Variants in ACO1 observed in about 807,000 individuals in gnomAD.
ACO1 encodes aconitase 1, also known as cytoplasmic aconitate hydratase.
ACO1 carries 78 observed loss-of-function variants against 105.1 expected under a neutral mutation model. That is an observed-to-expected ratio of 0.74 (90% CI 0.62 to 0.90). The LOEUF (loss-of-function observed/expected upper bound fraction) is 0.90. ACO1 is among the 40% of genes least tolerant of loss of function. The probability of loss-of-function intolerance (pLI) is 0.00; values close to 1 mark genes in which losing one functional copy is unlikely to be tolerated. For missense variants in ACO1, 965 were observed against 1,111.1 expected (o/e 0.87, Z 1.87); for synonymous variants, 364 against 397.4 (o/e 0.92, Z 1.00).
At chr9:32,427,213 C>T in intron 11 of ACO1, 88 bp from the exon 12 acceptor site, 1 of 1,517,104 alleles carries the variant, frequency 6.6e-7, no homozygotes. Context: ...GAAATGCAGA[C>T]TGAAGAAAAT....
intron 4 of ACO1, among the ~76,000 whole-genome samples, chr9:32,410,427 G>A (rs1254268944): frequency 6.6e-6 from 1 of 152,086 alleles, no homozygotes; most frequent in African/African-American, 2.4e-5. Flanking sequence ...GGGTGTGGTG[G>A]TGGGCACCTG....
intron 4 of ACO1, among the ~76,000 whole-genome samples, chr9:32,413,085 T>C (rs934335161): frequency 1.3e-5 from 2 of 152,108 alleles, no homozygotes; most frequent in Admixed American, 6.6e-5. Flanking sequence ...TATAGACCTT[T>C]TTCATTTACA....
chr9:32,406,486 GGT>G (rs1821613981), intron 2 of ACO1, among the ~76,000 whole-genome samples: 1 of 152,208 alleles, frequency 6.6e-6, no homozygotes, highest in Non-Finnish European at 1.5e-5. Context: ...AGCTGGGTGT[GGT>G]GATGCTTACC....
chr9:32,403,319 T>C (rs1001884099), intron 1 of ACO1, among the ~76,000 whole-genome samples: 1 of 152,238 alleles, frequency 6.6e-6, no homozygotes, highest in Admixed American at 6.5e-5. Context: ...GTAAAGCACT[T>C]GGCATGTGCT....
intron 12 of ACO1, among the ~76,000 whole-genome samples, chr9:32,428,988 G>C (rs1822165409): frequency 6.6e-6 from 1 of 152,208 alleles, no homozygotes; most frequent in South Asian, 2.1e-4. Flanking sequence ...TTGGGTATAT[G>C]TGGTCTATCA....
chr9:32,400,961 T>TC (rs1821482355), intron 1 of ACO1, among the ~76,000 whole-genome samples: 1 of 142,422 alleles, frequency 7.0e-6, no homozygotes, highest in Non-Finnish European at 1.5e-5. Flanking sequence ...TTTTTTTTTT[T>TC]CACTTAAATC....
At position 32,435,046 on chromosome 9, in the gene ACO1, T is replaced by C. The variant is rs112371848; in HGVS notation, c.2099+345T>C. ...GGGCAGAGGCAGAACCTGACACGCA[T>C]TGCCAGGTCCTGGTTGAGAAACCTA... On this transcript the variant is annotated intron_variant, in intron 17 of 20. Coordinates refer to ENST00000309951, the MANE Select transcript of ACO1 (RefSeq NM_002197.3). Among the ~76,000 whole-genome samples, 978 of 152,276 alleles carry C rather than the reference T, an allele frequency of 6.4e-3. 16 individuals carry two copies. Among genetic ancestry groups the C allele is most frequent in the African/African-American group, 0.022 (919 of 41,544 alleles).
intron 1 of ACO1, among the ~76,000 whole-genome samples, chr9:32,399,972 T>TTTTTTTTTTTTTTTTTTTCTTTTTTTTG (rs1821458138): frequency 8.0e-6 from 1 of 125,082 alleles, no homozygotes; most frequent in Non-Finnish European, 1.6e-5. Flanking sequence ...TTCTGTTTTT[T>TTTTTTTTTTTTTTTTTTTCTTTTTTTTG]TTTTTTTTTT....
intron 1 of ACO1, among the ~76,000 whole-genome samples, chr9:32,392,162 G>GT (rs1192979161): frequency 6.6e-6 from 1 of 152,086 alleles, no homozygotes; most frequent in Non-Finnish European, 1.5e-5. Flanking sequence ...AATGCATTTG[G>GT]TTTTTTGGAT....
intron 2 of ACO1, among the ~76,000 whole-genome samples, chr9:32,406,806 CAG>C (rs911187793): frequency 2.2e-4 from 34 of 152,264 alleles, no homozygotes; most frequent in South Asian, 4.1e-4. Flanking sequence ...TTTTTTGAAA[CAG>C]AGTCTTGCTC....
At chr9:32,387,369 A>G (rs1821176486) in intron 1 of ACO1, among the ~76,000 whole-genome samples, 1 of 152,230 alleles carries the variant, frequency 6.6e-6, no homozygotes, top group African/African-American at 2.4e-5. Context: ...CAGTGGCAAC[A>G]CATTTTTTAG....
intron 1 of ACO1, among the ~76,000 whole-genome samples, chr9:32,397,109 A>G (rs913485313): frequency 1.3e-5 from 2 of 152,196 alleles, no homozygotes; most frequent in African/African-American, 2.4e-5. Flanking sequence ...GAGATGGGAA[A>G]GCTTTCTGAT....
rs1039936793 is a variant in ACO1 at position 32,452,796 on chromosome 9, A to T, written c.*2685A>T. 4 of 147,356 alleles carry T rather than the reference A, an allele frequency of 2.7e-5. No homozygotes were observed. The highest frequency in any genetic ancestry group is 1.0e-4 in the African/African-American group (4 of 39,924). The allele number at this position is 147,356 out of a possible 1,614,324, so 9.1% of individuals were successfully genotyped here. Reference sequence around the variant, plus strand: ...CTGGGCAACACTCTACAAAAAAAAAAATAAATAAATAAATAAATAAAATAA... The same window carrying T: ...CTGGGCAACACTCTACAAAAAAAAATATAAATAAATAAATAAATAAAATAA... On this transcript the variant is annotated 3_prime_UTR_variant, in exon 21 of 21. Transcript: ENST00000309951.
intron 1 of ACO1, among the ~76,000 whole-genome samples, chr9:32,399,966 G>GTTTTTTTTTTTTTTTTTTTTTT (rs57615512): frequency 2.9e-5 from 2 of 69,842 alleles, no homozygotes; most frequent in Non-Finnish European, 5.0e-5. Flanking sequence ...TTCTTTTTCT[G>GTTTTTTTTTTTTTTTTTTTTTT]TTTTTTTTTT....
chr9:32,402,006 A>C (rs1223182770), intron 1 of ACO1, among the ~76,000 whole-genome samples: 1 of 152,240 alleles, frequency 6.6e-6, no homozygotes, highest in Non-Finnish European at 1.5e-5. Context: ...GAAGGGTTTC[A>C]GATACAGTAG....
chr9:32,395,295 G>A (rs1821350196), intron 1 of ACO1, among the ~76,000 whole-genome samples: 2 of 152,128 alleles, frequency 1.3e-5, no homozygotes, highest in South Asian at 4.2e-4. Flanking sequence ...GGCCAACATG[G>A]GGAAACCCCG....
intron 8 of ACO1, among the ~76,000 whole-genome samples, chr9:32,422,012 A>G (rs1371876318): frequency 6.6e-6 from 1 of 152,278 alleles, no homozygotes; most frequent in Non-Finnish European, 1.5e-5. Flanking sequence ...AAACACATTG[A>G]AATTGATTAA....
intron 1 of ACO1, among the ~76,000 whole-genome samples, chr9:32,387,708 G>GT (rs1186239453): frequency 6.6e-6 from 1 of 152,158 alleles, no homozygotes; most frequent in Non-Finnish European, 1.5e-5. Flanking sequence ...TTTGGGTTAT[G>GT]GTTATACAGT....
rs1554664991 is a variant in ACO1, at chr9:32,452,977, C to CCCAAA, written c.*2866_*2867insCCAAA. ...AATCAATCACCACCCCCCCCCCCCC[C>CCCAAA]AAAAAAAAAAGTATCTTGGCCAGTG... On this transcript the variant is annotated 3_prime_UTR_variant, in exon 21 of 21. Transcript: ENST00000309951. 1.1e-5 allele frequency: 1 copy of CCCAAA among 91,922 alleles called. No homozygotes were observed. The highest frequency in any genetic ancestry group is 4.1e-5 in the African/African-American group (1 of 24,446). The allele number at this position is 91,922 out of a possible 1,614,324, so 5.7% of individuals were successfully genotyped here.
Sources: gnomAD v4.1 joint callset for allele counts (sites outside exome capture counted in the v4.1 genomes callset) on GRCh38, gnomAD v4.1.1 for gene constraint, MANE v1.5 for transcripts, NCBI Gene and HGNC (gene_info 2026-07-23, HGNC 2026-07-21) for gene names.